The following AFF3 variants were observed in gnomAD, a reference collection of about 807,000 sequenced individuals.
AFF3 encodes AF4/FMR2 family member 3.
AFF3 carries 32 observed loss-of-function variants against 129.7 expected under a neutral mutation model. The ratio of observed to expected loss-of-function variants is 0.25; its 90% confidence interval spans 0.19 to 0.33. The LOEUF is 0.33. AFF3 is among the 10% of genes least tolerant of loss of function. The pLI, the probability that AFF3 is intolerant of heterozygous loss-of-function variation, is 1.00. For missense variants in AFF3, 1,373 were observed against 1,592.0 expected, an observed-to-expected ratio of 0.86 and a Z score of 2.34; for synonymous variants, 644 against 635.4, an observed-to-expected ratio of 1.01 and a Z score of -0.20.
chr2:99,942,729 T>C (rs904134773), intron 7 of AFF3, among the ~76,000 whole-genome samples: 3 of 151,668 alleles, frequency 2.0e-5, no homozygotes, highest in African/African-American at 7.3e-5. Flanking sequence ...TCAAGGAAAG[T>C]TTCCCAAGTT....
chr2:99,718,273 A>G (rs2104924929), intron 11 of AFF3, among the ~76,000 whole-genome samples: 1 of 152,364 alleles, frequency 6.6e-6, no homozygotes, highest in Admixed American at 6.5e-5. Flanking sequence ...AGATGTCAAC[A>G]CTATCAAGTT....
chr2:99,816,625 G>C (rs2105638385), intron 8 of AFF3, among the ~76,000 whole-genome samples: 1 of 152,272 alleles, frequency 6.6e-6, no homozygotes, highest in Admixed American at 6.5e-5. Context: ...GGTTCTCCAA[G>C]TTGTATTCCA....
Position 99,892,872 on chromosome 2 carries a change from G to A in AFF3, c.874-55348C>T, listed in dbSNP as rs185075122. On this transcript the variant is annotated intron_variant, in intron 7 of 24. Coordinates refer to ENST00000672756, the MANE Select transcript of AFF3 (RefSeq NM_001386135.1). ...ATCTTGGGAGATCAATATAATTGTG[G>A]AGAATAATTCTAAGATTACCTCCCA... Among the ~76,000 whole-genome samples the A allele has an allele frequency of 1.4e-3, 207 of 152,266 alleles. 1 individual carries two copies. Among genetic ancestry groups the A allele is most frequent in the African/African-American group, 4.9e-3 (203 of 41,558 alleles).
chr2:99,756,881 A>C (rs1391463686), intron 8 of AFF3, among the ~76,000 whole-genome samples: 1 of 152,200 alleles, frequency 6.6e-6, no homozygotes, highest in Non-Finnish European at 1.5e-5. Context: ...AATGAAACGA[A>C]TACCTGTGAA....
At chr2:99,777,643 T>G (rs1477059581) in intron 8 of AFF3, among the ~76,000 whole-genome samples, 4 of 152,324 alleles carry the variant, frequency 2.6e-5, no homozygotes, top group Non-Finnish European at 2.9e-5. Context: ...TTCATAACTC[T>G]TTCAAATATC....
chr2:100,035,669 C>T (rs1684839939), intron 4 of AFF3, among the ~76,000 whole-genome samples: 1 of 152,242 alleles, frequency 6.6e-6, no homozygotes, highest in East Asian at 1.9e-4. Context: ...ATCTATATAT[C>T]CTCAGTACCT....
Position 99,554,695 on chromosome 2 carries a change from C to T in AFF3, c.3323G>A (p.Gly1108Glu), listed in dbSNP as rs767404274. 3 of 1,614,210 alleles carry T rather than the reference C, an allele frequency of 1.9e-6. No individual in the cohort carries two copies. In the East Asian group the frequency reaches 6.7e-5, roughly 36 times the overall value. The change falls in exon 23 of 25, where the codon GGG becomes GAG. Residue 1108 changes from glycine (G) to glutamate (E), a missense_variant. This residue lies in a region of AFF3 where 165 missense variants were observed against 234.0 expected (regional missense o/e 0.71). Coordinates refer to ENST00000672756, the MANE Select transcript of AFF3 (RefSeq NM_001386135.1). ...SKAAQAPSPW[G>E]ASGKSTGTPS... ...AAAGCGAACTTACTTTCCACTGGCC[C>T]CCCACGGAGATGGGGCTTGGGCGGC... is the stretch of plus-strand genomic sequence containing the variant.
chr2:99,923,831 T>C (rs946588583), intron 7 of AFF3, among the ~76,000 whole-genome samples: 12 of 152,184 alleles, frequency 7.9e-5, no homozygotes, highest in South Asian at 4.1e-4. Flanking sequence ...TTGCTGCCTC[T>C]AGAGAGTCAC....
At chr2:99,553,133 C>G (rs1246341069) in intron 24 of AFF3, among the ~76,000 whole-genome samples, 2 of 152,092 alleles carry the variant, frequency 1.3e-5, no homozygotes, top group Admixed American at 1.3e-4. Context: ...GACGGGGTTT[C>G]TCCATGTTGG....
intron 4 of AFF3, among the ~76,000 whole-genome samples, chr2:100,094,497 A>G (rs964509704): frequency 3.3e-5 from 5 of 152,042 alleles, no homozygotes; most frequent in Admixed American, 3.3e-4. Flanking sequence ...TCAGGCAGTA[A>G]TGTTAGCAAT....
At chr2:99,875,194 A>G (rs1351895799) in intron 7 of AFF3, among the ~76,000 whole-genome samples, 1 of 152,046 alleles carries the variant, frequency 6.6e-6, no homozygotes, top group East Asian at 1.9e-4. Flanking sequence ...AGCTCAGAGC[A>G]CTGCAACCTC....
At chr2:100,068,151 A>G (rs551959332) in intron 4 of AFF3, among the ~76,000 whole-genome samples, 1 of 152,296 alleles carries the variant, frequency 6.6e-6, no homozygotes, top group African/African-American at 2.4e-5. Flanking sequence ...GGCACAACCA[A>G]CTTCTCTCTT....
At chr2:99,893,802 T>C (rs554139644) in intron 7 of AFF3, among the ~76,000 whole-genome samples, 1 of 152,220 alleles carries the variant, frequency 6.6e-6, no homozygotes, top group Non-Finnish European at 1.5e-5. Flanking sequence ...CCTTTATCAC[T>C]ATCCTTAAAT....
chr2:99,967,935 G>C (rs566239174), intron 7 of AFF3, among the ~76,000 whole-genome samples: 3 of 152,306 alleles, frequency 2.0e-5, no homozygotes, highest in South Asian at 2.1e-4. Context: ...CACAGCCACA[G>C]GATTGTCTCA....
intron 13 of AFF3, among the ~76,000 whole-genome samples, chr2:99,621,589 G>A (rs1362330004): frequency 6.6e-6 from 1 of 152,166 alleles, no homozygotes; most frequent in African/African-American, 2.4e-5. Flanking sequence ...TGAGTGTGGT[G>A]GGGACAGAAG....
intron 15 of AFF3, 95 bp from the exon 16 acceptor site, chr2:99,587,373 A>T: frequency 6.7e-7 from 1 of 1,482,312 alleles, no homozygotes; most frequent in Non-Finnish European, 9.2e-7. Flanking sequence ...GCCTCCTGGG[A>T]GCCCCACTCA....
At chr2:99,927,458 T>C (rs913106581) in intron 7 of AFF3, among the ~76,000 whole-genome samples, 4 of 152,190 alleles carry the variant, frequency 2.6e-5, no homozygotes, top group Non-Finnish European at 5.9e-5. Flanking sequence ...GCCATTATCC[T>C]AGGCAAATGA....
chr2:99,838,262 C>T (rs745661879), intron 7 of AFF3, among the ~76,000 whole-genome samples: 4 of 152,176 alleles, frequency 2.6e-5, no homozygotes, highest in East Asian at 1.9e-4. Flanking sequence ...AAGCAGTGGA[C>T]GCTGGTGAAA....
intron 2 of AFF3, among the ~76,000 whole-genome samples, chr2:100,123,988 A>ATTACAC (rs1692084248): frequency 6.6e-6 from 1 of 152,222 alleles, no homozygotes; most frequent in South Asian, 2.1e-4. Context: ...GGGAGAAAAT[A>ATTACAC]TTACACTCTT....
Sources: gnomAD v4.1 joint callset for allele counts (sites outside exome capture counted in the v4.1 genomes callset) on GRCh38, gnomAD v4.1.1 for gene constraint, gnomAD v4.1.1 regional missense constraint, MANE v1.5 for transcripts, NCBI Gene and HGNC (gene_info 2026-07-23, HGNC 2026-07-21) for gene names.